The following SEMA5A variants were observed in gnomAD, a reference collection of about 807,000 sequenced individuals.
SEMA5A encodes the protein semaphorin 5A, also known as semaphorin-5A.
A neutral mutation model predicts 135.5 loss-of-function variants in SEMA5A; 55 were observed. The observed-to-expected ratio is 0.41, with a 90% confidence interval of 0.33 to 0.51. The LOEUF (loss-of-function observed/expected upper bound fraction) is 0.51. Ranked by LOEUF, SEMA5A falls within the 20% of genes least tolerant of loss-of-function variation. The pLI is 0.37. For missense variants in SEMA5A, 1,290 were observed against 1,419.9 expected (o/e 0.91, Z 1.47); for synonymous variants, 580 against 546.5 (o/e 1.06, Z -0.85).
chr5:9,344,179 A>G (rs1375442036), intron 3 of SEMA5A, among the ~76,000 whole-genome samples: 1 of 152,210 alleles, frequency 6.6e-6, no homozygotes, highest in Non-Finnish European at 1.5e-5. Flanking sequence ...ATACTTTTAC[A>G]TATTAACTAT....
chr5:9,092,036 C>A (rs1056471172), intron 16 of SEMA5A, among the ~76,000 whole-genome samples: 2 of 152,184 alleles, frequency 1.3e-5, no homozygotes, highest in African/African-American at 2.4e-5. Context: ...TTCTATCAGG[C>A]ATCTGTATTA....
chr5:9,097,765 A>G (rs1253598399), intron 16 of SEMA5A, among the ~76,000 whole-genome samples: 1 of 152,202 alleles, frequency 6.6e-6, no homozygotes, highest in Non-Finnish European at 1.5e-5. Flanking sequence ...CCCAGCCTGT[A>G]CAACAAGGTG....
chr5:9,121,860 T>A (rs1375350822), intron 14 of SEMA5A, among the ~76,000 whole-genome samples: 1 of 152,198 alleles, frequency 6.6e-6, no homozygotes, highest in Non-Finnish European at 1.5e-5. Context: ...TGGGCTCTCC[T>A]ACAATTTGAT....
At chr5:9,298,565 AG>A (rs752921528) in intron 5 of SEMA5A, among the ~76,000 whole-genome samples, 1 of 152,242 alleles carries the variant, frequency 6.6e-6, no homozygotes, top group Non-Finnish European at 1.5e-5. Flanking sequence ...TTTTTTTAAA[AG>A]TTCTCTCCTA....
Position 9,105,119 on chromosome 5 carries a change from T to C in SEMA5A, c.2073+3021A>G, listed in dbSNP as rs559641157. Among the ~76,000 whole-genome samples, 4 of 152,342 alleles carry C rather than the reference T, an allele frequency of 2.6e-5. No homozygotes were observed. The South Asian group carries it at 8.3e-4, about 32-fold the overall frequency. On this transcript the variant is annotated intron_variant, in intron 16 of 22. Coordinates refer to ENST00000382496, the MANE Select transcript of SEMA5A (RefSeq NM_003966.3). ...ACAAGATCCAGGTCCTCCCTCTGTG[T>C]CTGTCAATCAGCTCCCCGAACTAAT...
intron 3 of SEMA5A, among the ~76,000 whole-genome samples, chr5:9,339,973 C>G (rs1753570844): frequency 6.6e-6 from 1 of 152,048 alleles, no homozygotes; most frequent in African/African-American, 2.4e-5. Flanking sequence ...TCAAGGTAAA[C>G]AACTTAAAAA....
intron 16 of SEMA5A, among the ~76,000 whole-genome samples, chr5:9,085,795 A>C (rs750760239): frequency 5.3e-5 from 8 of 152,138 alleles, no homozygotes; most frequent in African/African-American, 1.7e-4. Flanking sequence ...TGGTAGATCC[A>C]CTGACAGCTT....
chr5:9,089,029 C>T (rs188154126), intron 16 of SEMA5A, among the ~76,000 whole-genome samples: 1 of 152,170 alleles, frequency 6.6e-6, no homozygotes, highest in African/African-American at 2.4e-5. Flanking sequence ...AACACTACTC[C>T]TTCTTTGTGC....
At chr5:9,096,554 CTGTGTGTGTGTGTGTG>C (rs56202626) in intron 16 of SEMA5A, among the ~76,000 whole-genome samples, 20 of 144,518 alleles carry the variant, frequency 1.4e-4, no homozygotes, top group South Asian at 1.1e-3. Flanking sequence ...TAATATTCCA[CTGTGTGTGTGTGTGTG>C]TGTGTGTGTG....
At chr5:9,380,107 T>A in intron 2 of SEMA5A, 84 bp from the exon 3 acceptor site, 1 of 861,010 alleles carries the variant, frequency 1.2e-6, no homozygotes, top group Non-Finnish European at 1.7e-6. Context: ...CCTCACTAAC[T>A]TTAAGGTTAC....
In SEMA5A at chr5:9,540,441, A is replaced by AT. The variant is rs1738021222; in HGVS notation, c.-175+5142_-175+5143insA. 2.0e-5 allele frequency among the ~76,000 whole-genome samples: 3 copies of AT among 150,952 alleles called. No individual in the cohort carries two copies. In the South Asian group the frequency reaches 6.3e-4, roughly 32 times the overall value. On this transcript the variant is annotated intron_variant, in intron 1 of 22. Transcript: ENST00000382496. ...CGTCTCTACTAAAAATTCAAAAAAAAAAAAAAATTAGCTGGGCATGTGGCG... is the reference window on the plus strand; with the variant it reads ...CGTCTCTACTAAAAATTCAAAAAAAATAAAAAAATTAGCTGGGCATGTGGCG...
At chr5:9,238,678 C>T (rs186763881) in intron 5 of SEMA5A, among the ~76,000 whole-genome samples, 234 of 150,572 alleles carry the variant, frequency 1.6e-3, no homozygotes, top group African/African-American at 4.8e-3. Context: ...TAGTTTTTTG[C>T]GCAAATTGAG....
At chr5:9,096,167 C>T (rs976664597) in intron 16 of SEMA5A, among the ~76,000 whole-genome samples, 4 of 152,174 alleles carry the variant, frequency 2.6e-5, no homozygotes, top group Non-Finnish European at 5.9e-5. Flanking sequence ...CTCACCAGCA[C>T]TTGTTATCTC....
intron 3 of SEMA5A, among the ~76,000 whole-genome samples, chr5:9,338,323 T>C (rs1753488355): frequency 6.6e-6 from 1 of 152,228 alleles, no homozygotes; most frequent in South Asian, 2.1e-4. Context: ...TGATTAGACT[T>C]GTTAAACACA....
At chr5:9,086,352 G>A (rs535661807) in intron 16 of SEMA5A, among the ~76,000 whole-genome samples, 18 of 152,254 alleles carry the variant, frequency 1.2e-4, no homozygotes, top group African/African-American at 4.1e-4. Flanking sequence ...ACGTGTTGTG[G>A]GAGGGACCTG....
At chr5:9,088,817 T>A (rs915227380) in intron 16 of SEMA5A, among the ~76,000 whole-genome samples, 1 of 152,026 alleles carries the variant, frequency 6.6e-6, no homozygotes, top group African/African-American at 2.4e-5. Flanking sequence ...ACCAGCAGAA[T>A]AAAAGTCAAA....
rs542026678 is a variant in SEMA5A, at chr5:9,528,800, G to T, written c.-175+16784C>A. Among the ~76,000 whole-genome samples the T allele has an allele frequency of 1.3e-3, 196 of 152,290 alleles. 1 individual carries two copies. The highest frequency in any genetic ancestry group is 2.2e-3 in the Non-Finnish European group (149 of 68,028). ...TTTTCTGTATACCAATAGATCTCCA[G>T]AACAAATGAGTTTACCTATTTAATG... On this transcript the variant is annotated intron_variant, in intron 1 of 22. Coordinates refer to ENST00000382496, the MANE Select transcript of SEMA5A (RefSeq NM_003966.3).
intron 3 of SEMA5A, among the ~76,000 whole-genome samples, chr5:9,353,054 GGAAA>G (rs1754200424): frequency 1.2e-5 from 1 of 84,116 alleles, no homozygotes; most frequent in African/African-American, 5.3e-5. Flanking sequence ...AGGAAGGAAA[GGAAA>G]GGAAGGAAAG....
At chr5:9,098,709 G>A (rs1435629292) in intron 16 of SEMA5A, among the ~76,000 whole-genome samples, 4 of 152,122 alleles carry the variant, frequency 2.6e-5, no homozygotes, top group Non-Finnish European at 4.4e-5. Context: ...ACTCGTGTAG[G>A]CCTATAAAAT....
Sources: allele counts gnomAD v4.1 joint callset (sites outside exome capture counted in the v4.1 genomes callset), GRCh38; gene constraint gnomAD v4.1.1; transcripts MANE v1.5; gene names NCBI Gene and HGNC (gene_info 2026-07-23, HGNC 2026-07-21).